The following VCAM1 variants were observed in gnomAD, a reference collection of about 807,000 sequenced individuals.
VCAM1 encodes vascular cell adhesion molecule 1, also known as vascular cell adhesion protein 1.
VCAM1 carries 41 observed loss-of-function variants against 63.8 expected under a neutral mutation model. That is an observed-to-expected ratio of 0.64 (90% CI 0.50 to 0.83). VCAM1 has a LOEUF of 0.83. Ranked by LOEUF, VCAM1 falls within the 40% of genes least tolerant of loss-of-function variation. The probability of loss-of-function intolerance (pLI) is 0.00; values close to 1 mark genes in which losing one functional copy is unlikely to be tolerated. For missense variants in VCAM1, 798 were observed against 875.5 expected, an observed-to-expected ratio of 0.91 and a Z score of 1.12; for synonymous variants, 338 against 320.7, an observed-to-expected ratio of 1.05 and a Z score of -0.58.
In VCAM1 at chr1:100,730,225, C is replaced by T. The variant is rs146527546; in HGVS notation, c.1204+843C>T. ...TTTGTTCAGAATGAGTTAGAGTATGCCTGTAAAGGGATTTGGGTCTCTCCA... is the reference window on the plus strand; with the variant it reads ...TTTGTTCAGAATGAGTTAGAGTATGTCTGTAAAGGGATTTGGGTCTCTCCA... On this transcript the variant is annotated intron_variant, in intron 5 of 8. Coordinates refer to ENST00000294728, the MANE Select transcript of VCAM1 (RefSeq NM_001078.4). Among the ~76,000 whole-genome samples the T allele has an allele frequency of 1.4e-4, 21 of 152,134 alleles. No individual in the cohort carries two copies. The East Asian group carries it at 3.9e-3, about 28-fold the overall frequency.
intron 4 of VCAM1, among the ~76,000 whole-genome samples, chr1:100,726,801 G>T (rs1203606833): frequency 6.6e-6 from 1 of 152,006 alleles, no homozygotes; most frequent in African/African-American, 2.4e-5. Context: ...ATATAAATAG[G>T]TAACGCAAAT....
Position 100,738,843 on chromosome 1 carries a change from C to T in VCAM1, c.*560C>T, listed in dbSNP as rs1380100219. 6.6e-6 allele frequency: 1 copy of T among 152,294 alleles called. No homozygotes were observed. The highest frequency in any genetic ancestry group is 2.4e-5 in the African/African-American group (1 of 41,446). 9.4% of individuals were successfully genotyped at this position (152,294 alleles called of 1,614,324 possible). A position where few individuals can be genotyped will look rare whatever the true frequency, so the allele number is the denominator to read the frequency against. On this transcript the variant is annotated 3_prime_UTR_variant, in exon 9 of 9. Transcript: ENST00000294728. Reference sequence around the variant, plus strand: ...GGAGCACTGGGTTGACTTTCAGGTACTAAATACCTCAACCTATGGTATAAT... The same window carrying T: ...GGAGCACTGGGTTGACTTTCAGGTATTAAATACCTCAACCTATGGTATAAT...
intron 7 of VCAM1, 143 bp downstream of exon 7, chr1:100,732,827 A>C (rs1453340614): frequency 1.1e-6 from 1 of 901,206 alleles, no homozygotes; most frequent in Non-Finnish European, 1.6e-6. Context: ...TTTCCAATGT[A>C]TGGAGAAATC....
intron 5 of VCAM1, among the ~76,000 whole-genome samples, chr1:100,730,806 T>G (rs1001199909): frequency 6.6e-6 from 1 of 152,164 alleles, no homozygotes; most frequent in Non-Finnish European, 1.5e-5. Flanking sequence ...TAATGAATAT[T>G]AGGGGACTAG....
intron 1 of VCAM1, 144 bp from the exon 2 acceptor site, chr1:100,720,332 C>G (rs1044666792): frequency 2.6e-6 from 3 of 1,145,626 alleles, no homozygotes; most frequent in African/African-American, 3.1e-5. Context: ...GACTTCGGTG[C>G]TTTTTGGCTA....
At chr1:100,723,399 G>A (rs1660039477) in intron 3 of VCAM1, 59 bp downstream of exon 3, 3 of 1,505,926 alleles carry the variant, frequency 2.0e-6, no homozygotes, top group Admixed American at 2.2e-5. Context: ...GTTGTGTATA[G>A]CAATAAACTT....
chr1:100,731,229 T>C lies in VCAM1; in HGVS notation c.1236T>C (p.Ser412=). The part of the protein sequence containing the change: ...SFPRDPEIEM[S]GGLVNGSSVT... Reference sequence around the variant, plus strand: ...CTAGAGATCCAGAAATCGAGATGAGTGGTGGCCTCGTGAATGGGAGCTCTG... The same window carrying C: ...CTAGAGATCCAGAAATCGAGATGAGCGGTGGCCTCGTGAATGGGAGCTCTG... Residue 412 remains serine (S), a synonymous_variant, in exon 6 of 9, where the codon AGT becomes AGC. Coordinates refer to ENST00000294728, the MANE Select transcript of VCAM1 (RefSeq NM_001078.4). This position sits in a 1 kb window ranked among gnomAD's most constrained non-coding sequence, Gnocchi z 4.2. The C allele has an allele frequency of 6.2e-7, 1 of 1,612,668 alleles. No homozygotes were observed.
In VCAM1 at chr1:100,732,542, C is replaced by T; in HGVS notation, c.1650C>T (p.Leu550=). ...PAPKILWSRQ[L]PNGELQPLSE... ...CGAAAATCCTGTGGAGCAGGCAGCT[C>T]CCTAACGGGGAGCTACAGCCTCTTT... The change falls in exon 7 of 9, where the codon CTC becomes CTT. Residue 550 remains leucine (L), a synonymous_variant. Transcript: ENST00000294728. 2 of 1,612,936 alleles carry T rather than the reference C, an allele frequency of 1.2e-6. No homozygotes were observed. The highest frequency in any genetic ancestry group is 1.7e-6 in the Non-Finnish European group (2 of 1,179,606).
chr1:100,738,917 C>G lies in VCAM1; in HGVS notation c.*634C>G, dbSNP rs1342494695. On this transcript the variant is annotated 3_prime_UTR_variant, in exon 9 of 9. Transcript: ENST00000294728. ...GTACTGGCATGGTACGGAGATGTTT[C>G]ACGAAGTTTGTTCATCAGACTCCTG... is the stretch of plus-strand genomic sequence containing the variant. 6.6e-6 allele frequency: 1 copy of G among 152,162 alleles called. No individual in the cohort carries two copies. The highest frequency in any genetic ancestry group is 2.4e-5 in the African/African-American group (1 of 41,426). The allele number at this position is 152,162 out of a possible 1,614,324, so 9.4% of individuals were successfully genotyped here.
chr1:100,721,642 C>A (rs1415559936), intron 2 of VCAM1, among the ~76,000 whole-genome samples: 1 of 152,018 alleles, frequency 6.6e-6, no homozygotes, highest in East Asian at 1.9e-4. Flanking sequence ...TTCCCAGTAA[C>A]CTTAATTGAT....
intron 2 of VCAM1, among the ~76,000 whole-genome samples, chr1:100,722,722 G>A (rs1445623242): frequency 6.6e-6 from 1 of 152,072 alleles, no homozygotes; most frequent in African/African-American, 2.4e-5. Flanking sequence ...CTATAGCACA[G>A]TGACAGCCAC....
In VCAM1 at chr1:100,723,261, T is replaced by C. The variant is rs755879899; in HGVS notation, c.582T>C (p.Val194=). The change falls in exon 3 of 9, where the codon GTT becomes GTC. Residue 194 remains valine, a synonymous_variant. Transcript: ENST00000294728. ...PVIEDIGKVL[V]CRAKLHIDEM... ...TTGAGGATATTGGAAAAGTTCTTGT[T>C]TGCCGAGCTAAATTACACATTGATG... The C allele has an allele frequency of 7.3e-5, 117 of 1,612,970 alleles. No homozygotes were observed. Among genetic ancestry groups the C allele is most frequent in the Non-Finnish European group, 8.7e-5 (103 of 1,179,350 alleles).
Position 100,731,889 on chromosome 1 carries a change from G to T in VCAM1, c.1525+371G>T, listed in dbSNP as rs1660475535. 6.6e-6 allele frequency among the ~76,000 whole-genome samples: 1 copy of T among 152,128 alleles called. No homozygotes were observed. The highest frequency in any genetic ancestry group is 1.5e-5 in the Non-Finnish European group (1 of 68,018). On this transcript the variant is annotated intron_variant, in intron 6 of 8. Transcript: ENST00000294728. This position sits in a 1 kb window ranked among gnomAD's most constrained non-coding sequence, Gnocchi z 4.2. ...GATGACTTGGCCTCTCTTTCTTTAT[G>T]TGGTGTCACCCTGAGGAACAGTAGC...
At chr1:100,725,482 T>C (rs1445416363) in intron 4 of VCAM1, among the ~76,000 whole-genome samples, 1 of 152,072 alleles carries the variant, frequency 6.6e-6, no homozygotes, top group Non-Finnish European at 1.5e-5. Flanking sequence ...AGTAAGTATT[T>C]TGTATTCATT....
intron 4 of VCAM1, among the ~76,000 whole-genome samples, chr1:100,725,904 G>A (rs1047214588): frequency 6.6e-6 from 1 of 151,930 alleles, no homozygotes; most frequent in African/African-American, 2.4e-5. Flanking sequence ...CTCTTTTGTG[G>A]TGATACATTT....
chr1:100,729,746 CT>C (rs1660363757), intron 5 of VCAM1, among the ~76,000 whole-genome samples: 1 of 151,972 alleles, frequency 6.6e-6, no homozygotes, highest in Non-Finnish European at 1.5e-5. Flanking sequence ...TAGTTTTAAA[CT>C]GTTTTAAGGC....
At chr1:100,720,343 C>T (rs907433563) in intron 1 of VCAM1, 133 bp from the exon 2 acceptor site, 2 of 1,239,268 alleles carry the variant, frequency 1.6e-6, no homozygotes, top group African/African-American at 3.0e-5. Context: ...TTTTTGGCTA[C>T]CTTGCAGTTA....
intron 2 of VCAM1, 64 bp downstream of exon 2, chr1:100,720,815 G>A (rs914223297): frequency 6.6e-7 from 1 of 1,507,914 alleles, no homozygotes; most frequent in Admixed American, 2.2e-5. Flanking sequence ...TTTTAAAAAT[G>A]ATATTTTAAA....
chr1:100,732,748 T>C, intron 7 of VCAM1, 64 bp downstream of exon 7: 1 of 1,475,186 alleles, frequency 6.8e-7, no homozygotes, highest in Non-Finnish European at 9.0e-7. Context: ...TTACTGATTA[T>C]GAGTAAAGTC....
Sources: allele counts gnomAD v4.1 joint callset (sites outside exome capture counted in the v4.1 genomes callset), GRCh38; gene constraint gnomAD v4.1.1; non-coding constraint Gnocchi (gnomAD v3.1); transcripts MANE v1.5; gene names NCBI Gene and HGNC (gene_info 2026-07-23, HGNC 2026-07-21).